Variants in ACKR3 observed in about 807,000 individuals in gnomAD.
ACKR3 encodes the protein C-X-C chemokine receptor type 7.
In ACKR3, 6 loss-of-function variants were observed where a neutral mutation model predicts 22.4. The observed-to-expected ratio is 0.27, with a 90% CI of 0.15 to 0.53. The LOEUF (loss-of-function observed/expected upper bound fraction) is 0.53. Among genes scored for constraint, ACKR3 ranks in the 20% least tolerant of loss-of-function variants. ACKR3 has a pLI of 0.96. For synonymous variants in ACKR3, 209 were observed against 205.2 expected (o/e 1.02, Z -0.16); for missense variants, 396 against 475.2 (o/e 0.83, Z 1.55).
the ACKR3 span, among the ~76,000 whole-genome samples, chr2:236,539,718 A>G: frequency 6.6e-6 from 1 of 152,150 alleles, no homozygotes; most frequent in Non-Finnish European, 1.5e-5. Flanking sequence ...ATATTGTATT[A>G]GTCTGTTCTC....
chr2:236,537,577 A>G, the ACKR3 span, among the ~76,000 whole-genome samples: 2 of 152,238 alleles, frequency 1.3e-5, no homozygotes, highest in Non-Finnish European at 2.9e-5. Context: ...TGCAAGTGGT[A>G]CAGGGCCCCT....
At chr2:236,580,106 G>A (rs975667977) in intron 1 of ACKR3, among the ~76,000 whole-genome samples, 1 of 152,188 alleles carries the variant, frequency 6.6e-6, no homozygotes, top group Non-Finnish European at 1.5e-5. Context: ...GCTGCCTGAC[G>A]TTTCTTTGGC....
At position 236,574,173 on chromosome 2, in the gene ACKR3, A is replaced by G. The variant is rs754900741; in HGVS notation, c.-27+4249A>G. Among the ~76,000 whole-genome samples, 28 of 151,946 alleles carry G rather than the reference A, an allele frequency of 1.8e-4. No homozygotes were observed. Among genetic ancestry groups the G allele is most frequent in the African/African-American group, 6.5e-4 (27 of 41,386 alleles). On this transcript the variant is annotated intron_variant, in intron 1 of 1. Transcript: ENST00000272928. This position sits in a 1 kb window ranked among gnomAD's most constrained non-coding sequence, Gnocchi z 5.6. ...GTGCCCCAGAGCAGTGCCTCCTGGA[A>G]CAAGAGGCTCAGTCCGTCAACACCA...
At chr2:236,543,134 A>G in the ACKR3 span, among the ~76,000 whole-genome samples, 12 of 152,304 alleles carry the variant, frequency 7.9e-5, no homozygotes, top group East Asian at 2.3e-3. Context: ...TATATTTTCA[A>G]AGCAAATGAG....
the ACKR3 span, among the ~76,000 whole-genome samples, chr2:236,559,975 CTT>C: frequency 6.6e-6 from 1 of 152,228 alleles, no homozygotes; most frequent in Non-Finnish European, 1.5e-5. Flanking sequence ...TCTTTCAACA[CTT>C]TCCATTTCAA....
chr2:236,556,569 G>A, the ACKR3 span, among the ~76,000 whole-genome samples: 2 of 152,198 alleles, frequency 1.3e-5, no homozygotes, highest in African/African-American at 4.8e-5. Context: ...GTGGCCCCTA[G>A]TAGCTAAAAA....
chr2:236,542,823 C>T, the ACKR3 span, among the ~76,000 whole-genome samples: 5 of 109,326 alleles, frequency 4.6e-5, no homozygotes, highest in African/African-American at 3.7e-4. Flanking sequence ...GTCTTTTATA[C>T]CATCAAACCA....
the ACKR3 span, among the ~76,000 whole-genome samples, chr2:236,550,998 T>G: frequency 6.6e-6 from 1 of 152,148 alleles, no homozygotes; most frequent in South Asian, 2.1e-4. This position sits in a 1 kb window ranked among gnomAD's most constrained non-coding sequence, Gnocchi z 4.6. Flanking sequence ...TGTAAGTCCT[T>G]GTTATGGGGA....
chr2:236,554,060 C>A, the ACKR3 span, among the ~76,000 whole-genome samples: 1 of 152,142 alleles, frequency 6.6e-6, no homozygotes, highest in African/African-American at 2.4e-5. Context: ...GGGCTGTGTC[C>A]TGGGTGGATA....
chr2:236,549,305 T>A, the ACKR3 span, among the ~76,000 whole-genome samples: 1 of 152,170 alleles, frequency 6.6e-6, no homozygotes, highest in African/African-American at 2.4e-5. The surrounding 1 kb of genome is among the most constrained non-coding windows in gnomAD (Gnocchi z 5.3). Context: ...TTGGCCTCTG[T>A]AAGCCTGCCC....
At position 236,581,068 on chromosome 2, in the gene ACKR3, C is replaced by T. The variant is rs144225712; in HGVS notation, c.603C>T (p.Pro201=). Residue 201 remains proline, a synonymous_variant, in exon 2 of 2, where the codon CCC becomes CCT. Coordinates refer to ENST00000272928, the MANE Select transcript of ACKR3 (RefSeq NM_020311.3). This position sits in a 1 kb window ranked among gnomAD's most constrained non-coding sequence, Gnocchi z 4.4. Reference sequence around the variant, plus strand: ...AGACCTACTGCCGGTCCTTCTACCCCGAGCACAGCATCAAGGAGTGGCTGA... The same window carrying T: ...AGACCTACTGCCGGTCCTTCTACCCTGAGCACAGCATCAAGGAGTGGCTGA... ...NNETYCRSFY[P]EHSIKEWLIG... 4.1e-3 allele frequency: 6,541 copies of T among 1,614,222 alleles called. 21 individuals are homozygous for T. Among genetic ancestry groups the T allele is most frequent in the Non-Finnish European group, 4.6e-3 (5,483 of 1,180,054 alleles).
chr2:236,556,754 T>C, the ACKR3 span, among the ~76,000 whole-genome samples: 5 of 152,218 alleles, frequency 3.3e-5, no homozygotes, highest in Non-Finnish European at 5.9e-5. Flanking sequence ...CATGTTGTGA[T>C]CTCCGCTCAC....
intron 1 of ACKR3, among the ~76,000 whole-genome samples, chr2:236,572,687 G>A (rs570188008): frequency 1.3e-5 from 2 of 152,320 alleles, no homozygotes; most frequent in South Asian, 2.1e-4. Context: ...CGGCCCAGAC[G>A]GCAGCCTTTG....
upstream of ACKR3, among the ~76,000 whole-genome samples, chr2:236,566,096 C>T (rs978153154): frequency 1.3e-5 from 2 of 152,316 alleles, no homozygotes; most frequent in African/African-American, 2.4e-5. Flanking sequence ...CGCTCTGGCC[C>T]GCCAGGATCC....
intron 1 of ACKR3, among the ~76,000 whole-genome samples, chr2:236,572,953 G>A (rs1334370114): frequency 6.6e-6 from 1 of 152,220 alleles, no homozygotes; most frequent in Non-Finnish European, 1.5e-5. Context: ...ATTCAAAGCA[G>A]TTATGTACTT....
At chr2:236,579,925 ATT>A (rs1424252315) in intron 1 of ACKR3, among the ~76,000 whole-genome samples, 1 of 152,336 alleles carries the variant, frequency 6.6e-6, no homozygotes, top group Non-Finnish European at 1.5e-5. Flanking sequence ...ATAAATGCAA[ATT>A]TGGAGGAGGA....
At chr2:236,545,821 T>A in the ACKR3 span, among the ~76,000 whole-genome samples, 1 of 152,172 alleles carries the variant, frequency 6.6e-6, no homozygotes, top group Non-Finnish European at 1.5e-5. The surrounding 1 kb of genome is among the most constrained non-coding windows in gnomAD (Gnocchi z 5.3). Context: ...GAAAGAGAAG[T>A]CATGTTTATT....
the ACKR3 span, among the ~76,000 whole-genome samples, chr2:236,562,673 A>G: frequency 6.6e-6 from 1 of 151,894 alleles, no homozygotes; most frequent in Admixed American, 6.6e-5. Flanking sequence ...CTGCAACGAG[A>G]TAAGTTCAGA....
At position 236,581,602 on chromosome 2, in the gene ACKR3, G is replaced by C; in HGVS notation, c.*48G>C. On this transcript the variant is annotated 3_prime_UTR_variant, in exon 2 of 2. Transcript: ENST00000272928. This position sits in a 1 kb window ranked among gnomAD's most constrained non-coding sequence, Gnocchi z 4.4. ...ACGGGTTTACTTGTTTTTGAACAGG[G>C]TGATGGGCCCTATGGTTTTCTAGAG... 3 of 1,574,252 alleles carry C rather than the reference G, an allele frequency of 1.9e-6. No individual in the cohort carries two copies. Among genetic ancestry groups the C allele is most frequent in the Non-Finnish European group, 2.6e-6 (3 of 1,159,536 alleles).
Sources: gnomAD v4.1 joint callset for allele counts (sites outside exome capture counted in the v4.1 genomes callset) on GRCh38, gnomAD v4.1.1 for gene constraint, Gnocchi (gnomAD v3.1) non-coding constraint, MANE v1.5 for transcripts, NCBI Gene and HGNC (gene_info 2026-07-23, HGNC 2026-07-21) for gene names.